The following SLIT3 variants were observed in gnomAD, a reference collection of about 807,000 sequenced individuals.
SLIT3 encodes slit guidance ligand 3.
A neutral mutation model predicts 184.0 loss-of-function variants in SLIT3; 68 were observed. The ratio of observed to expected loss-of-function variants is 0.37; its 90% CI spans 0.30 to 0.45. The LOEUF (loss-of-function observed/expected upper bound fraction) is 0.45, where lower values mean the gene tolerates loss of function less well. SLIT3 is among the 20% of genes least tolerant of loss of function. The pLI, the probability that SLIT3 is intolerant of heterozygous loss-of-function variation, is 1.00. For missense variants in SLIT3, 1,707 were observed against 2,026.0 expected (o/e 0.84, Z 3.02); for synonymous variants, 831 against 828.6 (o/e 1.00, Z -0.05).
At chr5:168,741,419 C>T (rs555210251) in intron 20 of SLIT3, among the ~76,000 whole-genome samples, 5 of 144,380 alleles carry the variant, frequency 3.5e-5, no homozygotes, top group East Asian at 2.1e-4. Flanking sequence ...TGCAGTAAGC[C>T]GAGATCACAC....
intron 8 of SLIT3, among the ~76,000 whole-genome samples, chr5:168,809,380 G>C (rs1757089927): frequency 6.6e-6 from 1 of 152,170 alleles, no homozygotes. Flanking sequence ...AGAAACAATG[G>C]TAATTATAGC....
chr5:169,144,024 A>G (rs1357741777), intron 4 of SLIT3, among the ~76,000 whole-genome samples: 1 of 152,216 alleles, frequency 6.6e-6, no homozygotes, highest in Non-Finnish European at 1.5e-5. Flanking sequence ...TTGACTCTCC[A>G]CTGTAAGAGA....
At chr5:168,726,167 A>T (rs889374334) in intron 20 of SLIT3, among the ~76,000 whole-genome samples, 7 of 151,992 alleles carry the variant, frequency 4.6e-5, no homozygotes, top group Non-Finnish European at 1.0e-4. Context: ...AGTCATGCAC[A>T]TGCTTAGATT....
chr5:169,021,591 T>C (rs549234229), intron 4 of SLIT3, among the ~76,000 whole-genome samples: 1 of 152,176 alleles, frequency 6.6e-6, no homozygotes. Context: ...CCTCTGGTGA[T>C]CGACCTGCCT....
At chr5:168,810,269 T>A (rs1309656989) in intron 8 of SLIT3, among the ~76,000 whole-genome samples, 1 of 152,218 alleles carries the variant, frequency 6.6e-6, no homozygotes, top group Non-Finnish European at 1.5e-5. Context: ...ATATCTCCGA[T>A]GAAAGCATCT....
intron 4 of SLIT3, among the ~76,000 whole-genome samples, chr5:168,977,875 G>C (rs1581262980): frequency 6.6e-6 from 1 of 152,152 alleles, no homozygotes; most frequent in Non-Finnish European, 1.5e-5. Context: ...GGTGAAGAGG[G>C]AGGGGCTACA....
chr5:168,894,806 C>T (rs2113814962), intron 4 of SLIT3, among the ~76,000 whole-genome samples: 1 of 152,272 alleles, frequency 6.6e-6, no homozygotes, highest in Non-Finnish European at 1.5e-5. Flanking sequence ...ACAACTTCTC[C>T]CCTCCTCCTT....
In SLIT3 at chr5:169,299,239, CA is replaced by C. The variant is rs145043416; in HGVS notation, c.197+1273del. On this transcript the variant is annotated intron_variant, in intron 1 of 35. Coordinates refer to ENST00000519560, the MANE Select transcript of SLIT3 (RefSeq NM_003062.4). ...GTGGAAAAACAAAAAAGTACTGAGC[CA>C]AAGGAAAAAGAGAGCACCAGGAATA... Among the ~76,000 whole-genome samples, 1,235 of 152,162 alleles carry C rather than the reference CA, an allele frequency of 8.1e-3. 15 individuals are homozygous for C. The highest frequency in any genetic ancestry group is 0.027 in the African/African-American group (1,136 of 41,492).
intron 4 of SLIT3, among the ~76,000 whole-genome samples, chr5:169,176,766 C>A (rs1003058956): frequency 1.3e-5 from 2 of 152,190 alleles, no homozygotes; most frequent in Admixed American, 1.3e-4. Flanking sequence ...ACTTTATTTA[C>A]AATAGCAGGT....
intron 5 of SLIT3, among the ~76,000 whole-genome samples, chr5:168,849,325 T>G (rs141702763): frequency 3.5e-4 from 54 of 152,312 alleles, no homozygotes; most frequent in Admixed American, 1.8e-3. Flanking sequence ...AGGCCCCAAA[T>G]CCAGCAGCAG....
At chr5:168,998,164 C>T (rs924242364) in intron 4 of SLIT3, among the ~76,000 whole-genome samples, 5 of 152,104 alleles carry the variant, frequency 3.3e-5, no homozygotes, top group African/African-American at 9.7e-5. Flanking sequence ...TAAAATGCCA[C>T]CAGAAAATGT....
intron 3 of SLIT3, among the ~76,000 whole-genome samples, chr5:169,234,934 G>A (rs1379427513): frequency 6.6e-6 from 1 of 152,158 alleles, no homozygotes. Context: ...CTTTCATTAT[G>A]AGTCTCTGAT....
At position 169,171,305 on chromosome 5, in the gene SLIT3, T is replaced by C. The variant is rs958144409; in HGVS notation, c.413+22174A>G. 3.3e-5 allele frequency among the ~76,000 whole-genome samples: 5 copies of C among 152,284 alleles called. 1 individual carries two copies. In the East Asian group the frequency reaches 5.8e-4, roughly 18 times the overall value. ...TTAGAACCCTCACTCTTAAGAACCA[T>C]ATGGCACTGTCTCTAGACTTGGATG... On this transcript the variant is annotated intron_variant, in intron 4 of 35. Coordinates refer to ENST00000519560, the MANE Select transcript of SLIT3 (RefSeq NM_003062.4).
chr5:168,897,647 T>TGCACACACACACAC lies in SLIT3; in HGVS notation c.414-14312_414-14311insGTGTGTGTGTGTGC, dbSNP rs3223457. On this transcript the variant is annotated intron_variant, in intron 4 of 35. Coordinates refer to ENST00000519560, the MANE Select transcript of SLIT3 (RefSeq NM_003062.4). ...GAAAGAGGATGGAGACAGGTGCACG[T>TGCACACACACACAC]ACACACACACACACACACACACACA... 8.3e-3 allele frequency among the ~76,000 whole-genome samples: 1,181 copies of TGCACACACACACAC among 141,476 alleles called. 22 individuals are homozygous for TGCACACACACACAC. The highest frequency in any genetic ancestry group is 0.024 in the African/African-American group (923 of 38,572). 92.8% of individuals were successfully genotyped at this position (141,476 alleles called of 152,430 possible).
At chr5:168,804,330 AAAAAAAAAAG>A (rs1476366046) in intron 9 of SLIT3, among the ~76,000 whole-genome samples, 11 of 129,122 alleles carry the variant, frequency 8.5e-5, no homozygotes, top group African/African-American at 2.9e-4. Flanking sequence ...AAAAAAAAAA[AAAAAAAAAAG>A]ATGAAAGGGA....
chr5:168,669,523 T>C (rs1761164531), intron 35 of SLIT3, among the ~76,000 whole-genome samples: 1 of 152,162 alleles, frequency 6.6e-6, no homozygotes, highest in South Asian at 2.1e-4. Flanking sequence ...ACAGGAACAA[T>C]GTAGGCTAAA....
At chr5:168,675,136 A>G (rs1421323292) in intron 32 of SLIT3, among the ~76,000 whole-genome samples, 1 of 152,102 alleles carries the variant, frequency 6.6e-6, no homozygotes, top group African/African-American at 2.4e-5. Flanking sequence ...GAGTTGGGGA[A>G]TGTGACACCT....
At chr5:168,828,063 C>T (rs913567269) in intron 6 of SLIT3, among the ~76,000 whole-genome samples, 4 of 152,184 alleles carry the variant, frequency 2.6e-5, no homozygotes, top group African/African-American at 9.7e-5. Flanking sequence ...AGGCAAGGCA[C>T]ATAACTGCTC....
At chr5:169,251,356 GAA>G in intron 2 of SLIT3, 30 bp downstream of exon 2, 2 of 1,525,384 alleles carry the variant, frequency 1.3e-6, no homozygotes, top group Non-Finnish European at 1.8e-6. Context: ...AGCTAAAAAT[GAA>G]AACACACTTG....
Sources: gnomAD v4.1 joint callset for allele counts (sites outside exome capture counted in the v4.1 genomes callset) on GRCh38, gnomAD v4.1.1 for gene constraint, MANE v1.5 for transcripts, NCBI Gene and HGNC (gene_info 2026-07-23, HGNC 2026-07-21) for gene names.